The following DNAH17 variants were observed in gnomAD, a reference collection of about 807,000 sequenced individuals.
The protein encoded by DNAH17 is axonemal beta dynein heavy chain 17.
In DNAH17, 376 loss-of-function variants were observed where a neutral mutation model predicts 485.6. The ratio of observed to expected loss-of-function variants is 0.77; its 90% CI spans 0.71 to 0.84. DNAH17 has a LOEUF of 0.84. Among genes scored for constraint, DNAH17 ranks in the 40% least tolerant of loss-of-function variants. The probability of loss-of-function intolerance (pLI) is 0.00; values close to 1 mark genes in which losing one functional copy is unlikely to be tolerated. For synonymous variants in DNAH17, 3,031 were observed against 2,405.9 expected, an observed-to-expected ratio of 1.26 and a Z score of -7.60; for missense variants, 6,370 against 5,839.3, an observed-to-expected ratio of 1.09 and a Z score of -2.96.
At position 78,437,736 on chromosome 17, in the gene DNAH17, G is replaced by A; in HGVS notation, c.11938C>T (p.Pro3980Ser). ...PAPSPETHII[P>S]QGILENAIKI... Reference sequence around the variant, plus strand: ...ATGGCGTTCTCCAGAATGCCCTGGGGGATGATGTGGGTCTCGGGGCTGGGG... The same window carrying A: ...ATGGCGTTCTCCAGAATGCCCTGGGAGATGATGTGGGTCTCGGGGCTGGGG... Residue 3980 changes from proline (P) to serine (S), a missense_variant, in exon 74 of 81, where the codon CCC becomes TCC. Physicochemically the swap from Pro to Ser is moderately conservative, Grantham distance 74. Transcript: ENST00000389840. The A allele has an allele frequency of 6.2e-7, 1 of 1,612,632 alleles. No individual in the cohort carries two copies. Among genetic ancestry groups the A allele is most frequent in the African/African-American group, 1.3e-5 (1 of 75,064 alleles).
rs1022431426 is a variant in DNAH17 at position 78,530,432 on chromosome 17, G to C, written c.3195C>G (p.Asp1065Glu). Residue 1065 changes from aspartate to glutamate, a missense_variant, in exon 21 of 81, where the codon GAC becomes GAG. By Grantham distance (45) the Asp-to-Glu change is conservative. Coordinates refer to ENST00000389840, the MANE Select transcript of DNAH17 (RefSeq NM_173628.4). ...TKVFHGWLQCDCRPFKQALLS... is the reference protein window; with the variant it reads ...TKVFHGWLQCECRPFKQALLS... Reference sequence around the variant, plus strand: ...GCAGGGCCTGCTTGAAGGGGCGGCAGTCGCACTGCAGCCAGCCGTGGAACA... The same window carrying C: ...GCAGGGCCTGCTTGAAGGGGCGGCACTCGCACTGCAGCCAGCCGTGGAACA... 1 of 1,613,714 alleles carries C rather than the reference G, an allele frequency of 6.2e-7. No individual in the cohort carries two copies. Among genetic ancestry groups the C allele is most frequent in the Admixed American group, 1.7e-5 (1 of 60,024 alleles).
At chr17:78,460,845 CTAAG>C (rs1243684832) in intron 58 of DNAH17, among the ~76,000 whole-genome samples, 4 of 152,176 alleles carry the variant, frequency 2.6e-5, no homozygotes, top group African/African-American at 7.2e-5. Flanking sequence ...TCACACCCCT[CTAAG>C]AAAGTAGCAC....
rs936049966 is a variant in DNAH17 at position 78,507,943 on chromosome 17, C to G, written c.4237-138G>C. 6.5e-6 allele frequency: 5 copies of G among 768,718 alleles called. No individual in the cohort carries two copies. In the East Asian group the frequency reaches 1.4e-4, roughly 21 times the overall value. 47.6% of individuals were successfully genotyped at this position (768,718 alleles called of 1,614,324 possible). On this transcript the variant is annotated intron_variant, in intron 27 of 80. Transcript: ENST00000389840. Reference sequence around the variant, plus strand: ...CTCAAACCAACGTATTCACAGGAGCCAAAGGCAGATCCAACCCGAACCTTC... The same window carrying G: ...CTCAAACCAACGTATTCACAGGAGCGAAAGGCAGATCCAACCCGAACCTTC...
At chr17:78,544,294 G>A (rs1402923825) in intron 16 of DNAH17, among the ~76,000 whole-genome samples, 2 of 152,226 alleles carry the variant, frequency 1.3e-5, no homozygotes, top group Non-Finnish European at 2.9e-5. Flanking sequence ...TCTCAGGAAA[G>A]GAGCATCTAA....
intron 54 of DNAH17, among the ~76,000 whole-genome samples, chr17:78,472,117 T>C (rs1568105888): frequency 6.6e-6 from 1 of 152,204 alleles, no homozygotes; most frequent in Non-Finnish European, 1.5e-5. Flanking sequence ...CAGGCTTCCC[T>C]TTCTTTGGCC....
chr17:78,485,598 C>T lies in DNAH17; in HGVS notation c.7435G>A (p.Val2479Met), dbSNP rs1025847304. ...TAGAAGTTGAAGGGCACAGCCTGCA[C>T]CAGGTAGTTGTCCGTGTTCAGGCTT... is the stretch of plus-strand genomic sequence containing the variant. ...LESLNTDNYL[V>M]QAVPFNFYTT... The change falls in exon 47 of 81, where the codon GTG (valine) becomes ATG (methionine). Residue 2479 changes from valine to methionine, a missense_variant. Transcript: ENST00000389840. The T allele has an allele frequency of 3.2e-5, 51 of 1,613,650 alleles. No individual in the cohort carries two copies. The highest frequency in any genetic ancestry group is 4.0e-5 in the Non-Finnish European group (47 of 1,179,816).
chr17:78,481,090 C>T (rs1172997210), intron 48 of DNAH17, among the ~76,000 whole-genome samples: 6 of 147,528 alleles, frequency 4.1e-5, no homozygotes, highest in Non-Finnish European at 5.9e-5. Context: ...CCACCACGCC[C>T]GCCCCCCATC....
chr17:78,522,609 C>A (rs75604800), intron 25 of DNAH17: 12,185 of 264,098 alleles, frequency 0.046, 491 homozygotes, highest in African/African-American at 0.12. Context: ...GCAACACCCA[C>A]GCCGACTTCA....
intron 54 of DNAH17, among the ~76,000 whole-genome samples, chr17:78,470,506 T>C (rs1042509486): frequency 6.6e-6 from 1 of 151,916 alleles, no homozygotes; most frequent in African/African-American, 2.4e-5. Flanking sequence ...CTGGCCAACA[T>C]GGTGAAACCC....
intron 10 of DNAH17, 129 bp downstream of exon 10, chr17:78,566,870 T>C (rs2092275838): frequency 7.4e-7 from 1 of 1,344,496 alleles, no homozygotes; most frequent in Non-Finnish European, 1.0e-6. Context: ...CTCTACACAG[T>C]TTTCAAAGTG....
At chr17:78,474,286 G>A (rs1220061071) in intron 54 of DNAH17, among the ~76,000 whole-genome samples, 2 of 152,366 alleles carry the variant, frequency 1.3e-5, no homozygotes, top group Middle Eastern at 3.4e-3. Flanking sequence ...CCAGCACACA[G>A]AGAAGGCATG....
chr17:78,476,352 CGCG>C (rs2089021920), intron 52 of DNAH17, among the ~76,000 whole-genome samples: 1 of 92,156 alleles, frequency 1.1e-5, no homozygotes, highest in African/African-American at 5.4e-5. Flanking sequence ...CCGGAGTTAT[CGCG>C]TGGAACCCTC....
intron 17 of DNAH17, among the ~76,000 whole-genome samples, chr17:78,541,337 T>C (rs2091579704): frequency 1.8e-5 from 2 of 109,800 alleles, no homozygotes. Context: ...GTAGGGTGGG[T>C]GGATGAGTGG....
At chr17:78,557,931 C>T (rs1406960863) in intron 14 of DNAH17, among the ~76,000 whole-genome samples, 177 bp downstream of exon 14, 1 of 152,084 alleles carries the variant, frequency 6.6e-6, no homozygotes, top group Non-Finnish European at 1.5e-5. Flanking sequence ...AGGAATTTAT[C>T]CCAAGCACAT....
At chr17:78,437,023 G>A (rs1308364693) in intron 74 of DNAH17, among the ~76,000 whole-genome samples, 1 of 152,160 alleles carries the variant, frequency 6.6e-6, no homozygotes, top group Non-Finnish European at 1.5e-5. Context: ...CCAGGTGCCA[G>A]GCAGGCCCTC....
At chr17:78,538,261 T>TG (rs1209289967) in intron 18 of DNAH17, among the ~76,000 whole-genome samples, 1 of 152,156 alleles carries the variant, frequency 6.6e-6, no homozygotes, top group Non-Finnish European at 1.5e-5. Flanking sequence ...CAAGCCTGCC[T>TG]GTCCCTCTCC....
rs1039592344 is a variant in DNAH17, at chr17:78,529,753, G to A, written c.3285-59C>T. 9.7e-6 allele frequency: 15 copies of A among 1,548,654 alleles called. No individual in the cohort carries two copies. The Admixed American group carries it at 2.5e-4, about 26-fold the overall frequency. On this transcript the variant is annotated intron_variant, in intron 21 of 80. Coordinates refer to ENST00000389840, the MANE Select transcript of DNAH17 (RefSeq NM_173628.4). ...GCCCCCCTTAGGCCCACCCTTGATG[G>A]TACGGAGCCCCATGAGAGGGGGACG...
rs183825819 is a variant in DNAH17 at position 78,513,192 on chromosome 17, C to A, written c.4113+1582G>T. ...AGGCTGGGGGACAGGCCTCATTATACCCCCCTCCCTTTGGGATTCAGGCAC... is the reference window on the plus strand; with the variant it reads ...AGGCTGGGGGACAGGCCTCATTATAACCCCCTCCCTTTGGGATTCAGGCAC... On this transcript the variant is annotated intron_variant, in intron 26 of 80. Transcript: ENST00000389840. Among the ~76,000 whole-genome samples the A allele has an allele frequency of 1.7e-3, 264 of 152,200 alleles. 1 individual carries two copies. The highest frequency in any genetic ancestry group is 5.7e-3 in the African/African-American group (236 of 41,510).
At chr17:78,524,864 G>A (rs992595520) in intron 25 of DNAH17, 145 bp downstream of exon 25, 2 of 1,120,114 alleles carry the variant, frequency 1.8e-6, no homozygotes, top group Admixed American at 2.8e-5. Flanking sequence ...CGATCTCAGG[G>A]CCCTTCGGAT....
Sources: allele counts gnomAD v4.1 joint callset (sites outside exome capture counted in the v4.1 genomes callset), GRCh38; gene constraint gnomAD v4.1.1; transcripts MANE v1.5; gene names NCBI Gene and HGNC (gene_info 2026-07-23, HGNC 2026-07-21).